Variants in ARSB observed in about 807,000 individuals in gnomAD.
The protein encoded by ARSB is arylsulfatase B, also known as N-acetylgalactosamine-4-sulfatase.
A neutral mutation model predicts 50.9 loss-of-function variants in ARSB; 41 were observed. That is an observed-to-expected ratio of 0.81 (90% CI 0.63 to 1.04). The LOEUF (loss-of-function observed/expected upper bound fraction) is 1.04. Among genes scored for constraint, ARSB ranks in the 50% least tolerant of loss-of-function variants. The probability of loss-of-function intolerance (pLI) is 0.00; values close to 1 mark genes in which losing one functional copy is unlikely to be tolerated. For missense variants in ARSB, 672 were observed against 693.3 expected, an observed-to-expected ratio of 0.97 and a Z score of 0.35; for synonymous variants, 269 against 284.8, an observed-to-expected ratio of 0.94 and a Z score of 0.56.
chr5:78,962,294 G>T (rs886419673), intron 3 of ARSB, among the ~76,000 whole-genome samples: 8 of 152,124 alleles, frequency 5.3e-5, no homozygotes, highest in Non-Finnish European at 1.0e-4. Flanking sequence ...AGAAAACTGA[G>T]GATTTAAGCC....
At chr5:78,931,979 T>C (rs1326620351) in intron 4 of ARSB, among the ~76,000 whole-genome samples, 2 of 152,156 alleles carry the variant, frequency 1.3e-5, no homozygotes, top group African/African-American at 4.8e-5. Flanking sequence ...TGATTGTAAG[T>C]TTCCTGAGGC....
intron 6 of ARSB, chr5:78,815,961 G>A (rs1580996412): frequency 1.3e-6 from 2 of 1,548,676 alleles, no homozygotes; most frequent in African/African-American, 1.5e-5. Flanking sequence ...CAGGTTCCTA[G>A]TTCCCGCCTC....
At chr5:78,873,650 T>C (rs963556611) in intron 5 of ARSB, among the ~76,000 whole-genome samples, 49 of 150,288 alleles carry the variant, frequency 3.3e-4, no homozygotes, top group East Asian at 5.8e-4. Context: ...CGCCCGCCAC[T>C]ACGCCCGGCT....
At chr5:78,887,810 G>A (rs1748106424) in intron 4 of ARSB, among the ~76,000 whole-genome samples, 1 of 152,134 alleles carries the variant, frequency 6.6e-6, no homozygotes, top group African/African-American at 2.4e-5. Context: ...AGTATAGAGT[G>A]GGCTCACACA....
chr5:78,867,691 A>G (rs1746859834), intron 5 of ARSB, among the ~76,000 whole-genome samples: 1 of 152,206 alleles, frequency 6.6e-6, no homozygotes, highest in Non-Finnish European at 1.5e-5. Flanking sequence ...CCAAAAGTAG[A>G]TAAAACCACA....
At chr5:78,872,814 A>AT (rs756470940) in intron 5 of ARSB, among the ~76,000 whole-genome samples, 21 of 92,828 alleles carry the variant, frequency 2.3e-4, no homozygotes, top group Middle Eastern at 5.4e-3. Flanking sequence ...TTAAAGTATA[A>AT]TTAAAAAAAA....
In ARSB at chr5:78,781,907, T is replaced by C. The variant is rs1175575781; in HGVS notation, c.1281A>G (p.Thr427=). The change falls in exon 7 of 8, where the codon ACA becomes ACG. Residue 427 remains threonine (T), a synonymous_variant. Transcript: ENST00000264914. The part of the protein sequence containing the change: ...SSLPEYSAFN[T]SVHAAIRHGN... ...CATGTCTAATTGCAGCATGGACAGA[T>C]GTGTTAAAGGCTGAATATTCTGGAA... is the stretch of plus-strand genomic sequence containing the variant. 6.2e-7 allele frequency: 1 copy of C among 1,614,110 alleles called. No homozygotes were observed. Among genetic ancestry groups the C allele is most frequent in the East Asian group, 2.2e-5 (1 of 44,886 alleles).
intron 6 of ARSB, chr5:78,815,880 T>G: frequency 5.7e-6 from 8 of 1,415,284 alleles, no homozygotes; most frequent in Non-Finnish European, 7.3e-6. Flanking sequence ...TGTGGTAGTT[T>G]ATGGTTGATC....
intron 5 of ARSB, among the ~76,000 whole-genome samples, chr5:78,869,357 T>A (rs1455030952): frequency 7.1e-6 from 1 of 141,002 alleles, no homozygotes; most frequent in Non-Finnish European, 1.5e-5. Flanking sequence ...CAACAGAATA[T>A]ACATTTTTTT....
rs1748826652 is a variant in ARSB at position 78,778,277 on chromosome 5, G to C, written c.*2120C>G. 6.6e-6 allele frequency: 1 copy of C among 152,248 alleles called. No homozygotes were observed. The highest frequency in any genetic ancestry group is 2.1e-4 in the South Asian group (1 of 4,830). 9.4% of individuals were successfully genotyped at this position (152,248 alleles called of 1,614,324 possible). On this transcript the variant is annotated 3_prime_UTR_variant, in exon 8 of 8. Coordinates refer to ENST00000264914, the MANE Select transcript of ARSB (RefSeq NM_000046.5). ...TTTGGTCAGCTGTTTGCCAACCCAG[G>C]AGTTGGGTAAAGGTTGGTAAGAGAT...
At chr5:78,975,213 C>G (rs1752614589) in intron 1 of ARSB, among the ~76,000 whole-genome samples, 1 of 152,230 alleles carries the variant, frequency 6.6e-6, no homozygotes, top group African/African-American at 2.4e-5. Context: ...GCAGGCAGGA[C>G]AGTGAGGGCG....
chr5:78,960,252 C>T (rs1182491445), intron 3 of ARSB, among the ~76,000 whole-genome samples: 1 of 152,138 alleles, frequency 6.6e-6, no homozygotes, highest in Non-Finnish European at 1.5e-5. Context: ...ATTTATGCTA[C>T]ATGGTTCCTA....
chr5:78,916,758 T>C (rs1749562847), intron 4 of ARSB, among the ~76,000 whole-genome samples: 1 of 152,074 alleles, frequency 6.6e-6, no homozygotes, highest in African/African-American at 2.4e-5. Flanking sequence ...TAAGTGGAGG[T>C]TGTTATTCAT....
intron 4 of ARSB, among the ~76,000 whole-genome samples, chr5:78,943,395 T>TA: frequency 6.6e-6 from 1 of 152,336 alleles, no homozygotes; most frequent in East Asian, 1.9e-4. Flanking sequence ...CAATTTGGCA[T>TA]GTTTTTGCAG....
intron 4 of ARSB, among the ~76,000 whole-genome samples, chr5:78,895,949 T>C (rs1273550137): frequency 6.6e-6 from 1 of 151,922 alleles, no homozygotes; most frequent in East Asian, 1.9e-4. Context: ...GTAGAAGAAA[T>C]AATGGACGGA....
chr5:78,968,862 A>G, intron 2 of ARSB, 144 bp downstream of exon 2: 1 of 938,726 alleles, frequency 1.1e-6, no homozygotes, highest in Non-Finnish European at 1.7e-6. Flanking sequence ...CAGAGGTAAC[A>G]TTAGAAAGCA....
intron 6 of ARSB, among the ~76,000 whole-genome samples, chr5:78,809,242 G>A (rs998496925): frequency 1.3e-5 from 2 of 152,230 alleles, no homozygotes; most frequent in African/African-American, 4.8e-5. Context: ...AGGAAAGGTG[G>A]TGGTCAGAGC....
intron 6 of ARSB, among the ~76,000 whole-genome samples, chr5:78,790,022 C>T (rs76155795): frequency 1.8e-3 from 270 of 152,124 alleles, no homozygotes; most frequent in Non-Finnish European, 2.8e-3. Context: ...GTAGGGTGAA[C>T]GGGAGGGTCT....
chr5:78,821,339 T>C (rs2112675598), intron 6 of ARSB, among the ~76,000 whole-genome samples: 1 of 152,296 alleles, frequency 6.6e-6, no homozygotes, highest in South Asian at 2.1e-4. Flanking sequence ...AGTTTCACCA[T>C]GTCAGCCAGG....
Sources: gnomAD v4.1 joint callset for allele counts (sites outside exome capture counted in the v4.1 genomes callset) on GRCh38, gnomAD v4.1.1 for gene constraint, MANE v1.5 for transcripts, NCBI Gene and HGNC (gene_info 2026-07-23, HGNC 2026-07-21) for gene names.